The following MEF2A variants were observed in gnomAD, a reference collection of about 807,000 sequenced individuals.
The protein encoded by MEF2A is myocyte-specific enhancer factor 2A.
In MEF2A, 28 loss-of-function variants were observed where a neutral mutation model predicts 55.8. That is an observed-to-expected ratio of 0.50 (90% CI 0.37 to 0.69). The LOEUF (loss-of-function observed/expected upper bound fraction) is 0.69. MEF2A is among the 30% of genes least tolerant of loss of function. MEF2A has a pLI of 0.00. For synonymous variants in MEF2A, 239 were observed against 227.1 expected (o/e 1.05, Z -0.47); for missense variants, 528 against 626.2 (o/e 0.84, Z 1.67).
chr15:99,632,920 A>G (rs1194136103), intron 2 of MEF2A, 58 bp from the exon 3 acceptor site: 1 of 477,244 alleles, frequency 2.1e-6, no homozygotes, highest in Non-Finnish European at 3.8e-6. Context: ...TTTGTATAAC[A>G]CTTACATGAT....
chr15:99,676,391 T>C (rs2052039459), intron 7 of MEF2A, among the ~76,000 whole-genome samples: 1 of 151,662 alleles, frequency 6.6e-6, no homozygotes, highest in Non-Finnish European at 1.5e-5. Context: ...TGTTTTTGTG[T>C]CCCTTTTTTT....
At chr15:99,695,764 C>T (rs1418004423) in intron 8 of MEF2A, among the ~76,000 whole-genome samples, 2 of 151,496 alleles carry the variant, frequency 1.3e-5, no homozygotes, top group African/African-American at 4.9e-5. Context: ...TAGGCTGAGG[C>T]AGGAGAATCA....
intron 3 of MEF2A, among the ~76,000 whole-genome samples, chr15:99,634,553 AG>A (rs1252394377): frequency 6.6e-6 from 1 of 152,192 alleles, no homozygotes; most frequent in Non-Finnish European, 1.5e-5. Context: ...AAAGAACTGG[AG>A]GACACATAAA....
intron 7 of MEF2A, among the ~76,000 whole-genome samples, chr15:99,679,151 C>G (rs1326430104): frequency 6.6e-6 from 1 of 152,218 alleles, no homozygotes; most frequent in Non-Finnish European, 1.5e-5. Context: ...CAAGTTGTTG[C>G]AACCATTTGG....
chr15:99,632,561 T>G (rs1428214359), intron 2 of MEF2A, among the ~76,000 whole-genome samples: 1 of 152,190 alleles, frequency 6.6e-6, no homozygotes, highest in Admixed American at 6.5e-5. Flanking sequence ...CTACGTGACC[T>G]TGGGCGTATT....
intron 7 of MEF2A, among the ~76,000 whole-genome samples, chr15:99,686,837 C>G (rs2054327688): frequency 1.3e-5 from 2 of 152,058 alleles, no homozygotes; most frequent in Non-Finnish European, 2.9e-5. Context: ...TCTCTTCTTC[C>G]TCAAGAACAC....
rs1194326956 is a variant in MEF2A, at chr15:99,671,428, A to C, written c.364A>C (p.Ser122Arg). The C allele has an allele frequency of 6.2e-7, 1 of 1,613,958 alleles. No homozygotes were observed. Among genetic ancestry groups the C allele is most frequent in the Admixed American group, 1.7e-5 (1 of 60,030 alleles). The part of the protein sequence containing the change: ...EDRFSKLNED[S>R]DFIFKRGPPG... ...CAGATTCAGCAAACTAAATGAAGAT[A>C]GTGATTTTATTTTCAAACGAGGCCC... The change falls in exon 5 of 12, where the codon AGT becomes CGT. Residue 122 changes from serine (S) to arginine (R), a missense_variant. Ser to Arg is a moderately radical substitution (Grantham distance 110). Coordinates refer to ENST00000557942, the MANE Select transcript of MEF2A (RefSeq NM_001319206.4).
intron 10 of MEF2A, among the ~76,000 whole-genome samples, chr15:99,707,311 C>T (rs753112704): frequency 6.6e-6 from 1 of 152,138 alleles, no homozygotes; most frequent in African/African-American, 2.4e-5. Flanking sequence ...AGGTGGCCGA[C>T]GTTTGGCTGT....
intron 4 of MEF2A, among the ~76,000 whole-genome samples, chr15:99,651,789 C>A (rs962582814): frequency 6.6e-6 from 1 of 152,188 alleles, no homozygotes; most frequent in South Asian, 2.1e-4. Context: ...AGGGACTACA[C>A]GTCTCTAAGT....
chr15:99,571,109 A>G (rs1962060832), intron 1 of MEF2A, among the ~76,000 whole-genome samples: 1 of 151,326 alleles, frequency 6.6e-6, no homozygotes, highest in Non-Finnish European at 1.5e-5. Context: ...GCTTGAACCC[A>G]GGAGGCAGAG....
intron 8 of MEF2A, 87 bp downstream of exon 8, chr15:99,690,515 C>T: frequency 8.9e-7 from 1 of 1,129,278 alleles, no homozygotes; most frequent in Non-Finnish European, 1.3e-6. Flanking sequence ...ATTTTCTGTG[C>T]CACCGTAGAA....
At chr15:99,610,820 T>C (rs189403118) in intron 2 of MEF2A, among the ~76,000 whole-genome samples, 1 of 152,250 alleles carries the variant, frequency 6.6e-6, no homozygotes, top group Non-Finnish European at 1.5e-5. Context: ...CTATATAGGC[T>C]AAGTCTTCAT....
chr15:99,704,513 A>C (rs2057794022), intron 9 of MEF2A, among the ~76,000 whole-genome samples: 1 of 152,228 alleles, frequency 6.6e-6, no homozygotes, highest in Non-Finnish European at 1.5e-5. Flanking sequence ...TCACTGTTCA[A>C]GGAGTTGTGA....
intron 3 of MEF2A, among the ~76,000 whole-genome samples, chr15:99,643,368 T>TG (rs1213299215): frequency 6.6e-6 from 1 of 152,196 alleles, no homozygotes; most frequent in Non-Finnish European, 1.5e-5. Flanking sequence ...AATGTACTCT[T>TG]AACAGCTTGT....
chr15:99,633,184 A>T lies in MEF2A; in HGVS notation c.54+11A>T. The T allele has an allele frequency of 6.6e-7, 1 of 1,522,704 alleles. No individual in the cohort carries two copies. The highest frequency in any genetic ancestry group is 8.8e-7 in the Non-Finnish European group (1 of 1,131,880). 94.3% of individuals were successfully genotyped at this position (1,522,704 alleles called of 1,614,324 possible). A position where few individuals can be genotyped will look rare whatever the true frequency, so the allele number is the denominator to read the frequency against. On this transcript the variant is annotated intron_variant, in intron 3 of 11. Coordinates refer to ENST00000557942, the MANE Select transcript of MEF2A (RefSeq NM_001319206.4). ...GAAAGGAACCGACAGGTAAATGAAA[A>T]TTTTAATTTATTTAATTGATATGAA...
intron 1 of MEF2A, among the ~76,000 whole-genome samples, chr15:99,587,106 G>A (rs185667878): frequency 2.0e-4 from 31 of 151,644 alleles, no homozygotes; most frequent in Non-Finnish European, 3.4e-4. Flanking sequence ...TGTGCAGAAC[G>A]TGGTGGTTTG....
At chr15:99,622,466 G>A (rs1436512174) in intron 2 of MEF2A, among the ~76,000 whole-genome samples, 1 of 152,078 alleles carries the variant, frequency 6.6e-6, no homozygotes, top group Non-Finnish European at 1.5e-5. Flanking sequence ...TGGTTAGCTT[G>A]AATTAATAAA....
intron 4 of MEF2A, among the ~76,000 whole-genome samples, chr15:99,661,457 C>A (rs1596921505): frequency 6.9e-6 from 1 of 145,634 alleles, no homozygotes; most frequent in Non-Finnish European, 1.5e-5. Flanking sequence ...GATATTTTTA[C>A]AATGTATAAA....
intron 7 of MEF2A, among the ~76,000 whole-genome samples, chr15:99,682,937 A>G (rs1476432246): frequency 6.6e-6 from 1 of 152,256 alleles, no homozygotes; most frequent in East Asian, 1.9e-4. Flanking sequence ...TATTCATGCC[A>G]TTGTATATTT....
Sources: gnomAD v4.1 joint callset for allele counts (sites outside exome capture counted in the v4.1 genomes callset) on GRCh38, gnomAD v4.1.1 for gene constraint, MANE v1.5 for transcripts, NCBI Gene and HGNC (gene_info 2026-07-23, HGNC 2026-07-21) for gene names.